Variants in ATP8B4 observed in about 807,000 individuals in gnomAD.
The protein encoded by ATP8B4 is probable phospholipid-transporting ATPase IM.
Under a neutral mutation model 145.6 loss-of-function variants are expected in ATP8B4, and 133 were observed. The ratio of observed to expected loss-of-function variants is 0.91; its 90% confidence interval spans 0.79 to 1.05. The LOEUF is 1.05. Among genes scored for constraint, ATP8B4 ranks in the 50% least tolerant of loss-of-function variants. ATP8B4 has a pLI of 0.00. For synonymous variants in ATP8B4, 507 were observed against 492.9 expected (o/e 1.03, Z -0.38); for missense variants, 1,458 against 1,425.2 (o/e 1.02, Z -0.37).
At chr15:50,086,724 A>C (rs1245464474) in intron 2 of ATP8B4, among the ~76,000 whole-genome samples, 4 of 77,360 alleles carry the variant, frequency 5.2e-5, no homozygotes, top group Non-Finnish European at 8.5e-5. Flanking sequence ...ATAATAAAAT[A>C]ATATAGAGAT....
intron 1 of ATP8B4, among the ~76,000 whole-genome samples, chr15:50,141,187 G>T (rs28721890): frequency 0.019 from 2,946 of 152,100 alleles, 98 homozygotes; most frequent in African/African-American, 0.067. Flanking sequence ...CAGAAAGAGC[G>T]GCGACCTCCT....
At chr15:49,989,804 T>C (rs1440528307) in intron 9 of ATP8B4, among the ~76,000 whole-genome samples, 1 of 152,156 alleles carries the variant, frequency 6.6e-6, no homozygotes, top group African/African-American at 2.4e-5. Flanking sequence ...TTTTAAGCTC[T>C]ATTAGCATAA....
chr15:50,047,123 C>T (rs1462776369), intron 4 of ATP8B4, among the ~76,000 whole-genome samples: 1 of 152,170 alleles, frequency 6.6e-6, no homozygotes, highest in African/African-American at 2.4e-5. Context: ...AAGTGCAAGG[C>T]TGTGTTTTAA....
At chr15:50,026,132 C>T (rs977071754) in intron 6 of ATP8B4, among the ~76,000 whole-genome samples, 16 of 152,354 alleles carry the variant, frequency 1.1e-4, no homozygotes, top group Admixed American at 8.5e-4. Flanking sequence ...GTCATCTCTA[C>T]TACTATTACT....
At chr15:49,989,137 G>T (rs1162741119) in intron 9 of ATP8B4, among the ~76,000 whole-genome samples, 1 of 152,134 alleles carries the variant, frequency 6.6e-6, no homozygotes, top group Non-Finnish European at 1.5e-5. Context: ...CTGAATTCTG[G>T]TTAGCTCCGT....
chr15:49,987,220 C>G (rs2046685951), intron 10 of ATP8B4, among the ~76,000 whole-genome samples, 171 bp downstream of exon 10: 1 of 152,138 alleles, frequency 6.6e-6, no homozygotes, highest in Admixed American at 6.6e-5. Context: ...GGACTATTTT[C>G]AGAGCAATAG....
chr15:50,139,353 G>T (rs544974337), intron 1 of ATP8B4, among the ~76,000 whole-genome samples: 1 of 151,894 alleles, frequency 6.6e-6, no homozygotes, highest in African/African-American at 2.4e-5. Context: ...ACCAAACACC[G>T]CATGTTCTCA....
chr15:49,986,903 C>T (rs1162916780), intron 10 of ATP8B4, among the ~76,000 whole-genome samples: 1 of 145,810 alleles, frequency 6.9e-6, no homozygotes, highest in Non-Finnish European at 1.5e-5. Flanking sequence ...CCAGAACCCA[C>T]TCTCCTATTT....
intron 1 of ATP8B4, among the ~76,000 whole-genome samples, chr15:50,153,486 C>A (rs1442998494): frequency 1.3e-5 from 2 of 152,148 alleles, no homozygotes; most frequent in Non-Finnish European, 2.9e-5. Context: ...CTACAGGCGC[C>A]TGCCACCGTG....
chr15:49,877,974 C>A (rs1404495461), intron 24 of ATP8B4, among the ~76,000 whole-genome samples: 1 of 152,098 alleles, frequency 6.6e-6, no homozygotes, highest in East Asian at 1.9e-4. Context: ...TGGTTTCTGC[C>A]TTAAAAAATG....
At chr15:50,144,751 GT>G (rs11385259) in intron 1 of ATP8B4, among the ~76,000 whole-genome samples, 37 of 148,168 alleles carry the variant, frequency 2.5e-4, no homozygotes, top group African/African-American at 3.7e-4. Flanking sequence ...AATTACCCTT[GT>G]TTTTTTTTTT....
chr15:50,002,855 T>C (rs2048006249), intron 7 of ATP8B4, among the ~76,000 whole-genome samples: 1 of 152,128 alleles, frequency 6.6e-6, no homozygotes, highest in Admixed American at 6.5e-5. Flanking sequence ...ACTGAGTAGT[T>C]TGGATTTTTC....
In ATP8B4 at chr15:50,072,972, C is replaced by G. The variant is rs1207782133; in HGVS notation, c.87+1155G>C. 3.6e-4 allele frequency among the ~76,000 whole-genome samples: 11 copies of G among 30,210 alleles called. 1 individual carries two copies. The highest frequency in any genetic ancestry group is 1.4e-3 in the African/African-American group (10 of 7,282). The allele number at this position is 30,210 out of a possible 152,430, so 19.8% of individuals were successfully genotyped here. On this transcript the variant is annotated intron_variant, in intron 3 of 27. Coordinates refer to ENST00000284509, the MANE Select transcript of ATP8B4 (RefSeq NM_024837.4). The stretch of plus-strand genomic sequence containing the variant: ...TCTCTCTCTCTCTCTCTCTCTCTCT[C>G]TCTCTCTCTATATATATATATATAT...
chr15:50,052,276 C>T (rs564775012), intron 3 of ATP8B4, among the ~76,000 whole-genome samples: 21 of 152,318 alleles, frequency 1.4e-4, no homozygotes, highest in South Asian at 4.1e-4. Context: ...CCATGAATGA[C>T]TACAAACATC....
chr15:50,113,455 T>A (rs1342634380), intron 1 of ATP8B4: 9 of 152,142 alleles, frequency 5.9e-5, no homozygotes, highest in Non-Finnish European at 1.3e-4. Context: ...TGCTTGTAGA[T>A]TGTAGGAACT....
chr15:49,975,718 A>T (rs749245649), intron 12 of ATP8B4, among the ~76,000 whole-genome samples: 3 of 152,176 alleles, frequency 2.0e-5, no homozygotes, highest in Non-Finnish European at 4.4e-5. Context: ...AATCAGACAC[A>T]ACCAAATTGT....
At chr15:50,106,197 C>G (rs1333608839) in intron 2 of ATP8B4, among the ~76,000 whole-genome samples, 7 of 152,154 alleles carry the variant, frequency 4.6e-5, no homozygotes, top group Non-Finnish European at 1.0e-4. Flanking sequence ...TCTAATCCAG[C>G]CTTTAGTCTC....
At chr15:50,114,323 C>G in intron 1 of ATP8B4, 1 of 151,920 alleles carries the variant, frequency 6.6e-6, no homozygotes. Flanking sequence ...GCCTTTGCAT[C>G]CTCATAGCTT....
chr15:49,999,969 G>C (rs549003408), intron 8 of ATP8B4, among the ~76,000 whole-genome samples: 2 of 152,166 alleles, frequency 1.3e-5, no homozygotes, highest in Admixed American at 6.5e-5. Flanking sequence ...TTTGGGATTG[G>C]CTATTTTTTG....
Sources: gnomAD v4.1 joint callset for allele counts (sites outside exome capture counted in the v4.1 genomes callset) on GRCh38, gnomAD v4.1.1 for gene constraint, MANE v1.5 for transcripts, NCBI Gene and HGNC (gene_info 2026-07-23, HGNC 2026-07-21) for gene names.